ACSL6: variants seen among roughly 807,000 people sequenced by gnomAD.
ACSL6 encodes the protein acyl-CoA synthetase long chain family member 6.
Under a neutral mutation model 98.2 loss-of-function variants are expected in ACSL6, and 47 were observed. That is an observed-to-expected ratio of 0.48 (90% CI 0.38 to 0.61). The LOEUF (loss-of-function observed/expected upper bound fraction) is 0.61, where lower values mean the gene tolerates loss of function less well. ACSL6 is among the 20% of genes least tolerant of loss of function. The probability of loss-of-function intolerance (pLI) is 0.00; values close to 1 mark genes in which losing one functional copy is unlikely to be tolerated. For missense variants in ACSL6, 761 were observed against 913.4 expected, an observed-to-expected ratio of 0.83 and a Z score of 2.15; for synonymous variants, 362 against 336.9, an observed-to-expected ratio of 1.07 and a Z score of -0.82.
chr5:132,009,080 G>C (rs982923319), intron 1 of ACSL6, among the ~76,000 whole-genome samples: 3 of 152,174 alleles, frequency 2.0e-5, no homozygotes, highest in African/African-American at 7.2e-5. Flanking sequence ...GGTGAGATCT[G>C]GGCTGGCCCA....
intron 1 of ACSL6, among the ~76,000 whole-genome samples, chr5:132,009,975 T>C (rs937653605): frequency 1.3e-5 from 2 of 152,070 alleles, no homozygotes; most frequent in African/African-American, 4.8e-5. Flanking sequence ...GTCCTGGCAG[T>C]GGGGAGAGGC....
intron 9 of ACSL6, chr5:131,982,213 G>T (rs1296507646): frequency 7.2e-6 from 1 of 139,760 alleles, no homozygotes; most frequent in Non-Finnish European, 1.5e-5. Flanking sequence ...GCGGGATCTC[G>T]GCTCACTGCA....
chr5:131,967,929 T>C lies in ACSL6; in HGVS notation c.1596+11A>G. 1 of 1,613,198 alleles carries C rather than the reference T, an allele frequency of 6.2e-7. No homozygotes were observed. Among genetic ancestry groups the C allele is most frequent in the Non-Finnish European group, 8.5e-7 (1 of 1,179,242 alleles). On this transcript the variant is annotated intron_variant, in intron 16 of 20. Transcript: ENST00000651883. ...GCAGCCACAGGCATGAATGGCTAAATCCTTGTTTACCTCTCCCTCTCCTTT... is the reference window on the plus strand; with the variant it reads ...GCAGCCACAGGCATGAATGGCTAAACCCTTGTTTACCTCTCCCTCTCCTTT...
intron 17 of ACSL6, among the ~76,000 whole-genome samples, chr5:131,964,133 C>T (rs1196528681): frequency 6.6e-6 from 1 of 151,956 alleles, no homozygotes; most frequent in Non-Finnish European, 1.5e-5. Context: ...CATACTCTTC[C>T]AAAAAAATGG....
intron 1 of ACSL6, among the ~76,000 whole-genome samples, chr5:131,997,795 G>A (rs73264102): frequency 0.01 from 1,528 of 152,322 alleles, 23 homozygotes; most frequent in African/African-American, 0.027. Context: ...CCTTGAGGCT[G>A]GGCCTGTACC....
chr5:131,968,174 T>G, intron 15 of ACSL6, 146 bp from the exon 16 acceptor site: 1 of 634,222 alleles, frequency 1.6e-6, no homozygotes, highest in East Asian at 2.8e-5. Context: ...CATTTGTTAC[T>G]GCAAGTGTTG....
At chr5:131,987,995 C>T in intron 7 of ACSL6, 53 bp downstream of exon 7, 1 of 1,595,546 alleles carries the variant, frequency 6.3e-7, no homozygotes, top group Non-Finnish European at 8.5e-7. Flanking sequence ...GAAGTTCTGA[C>T]TTGGTGACCA....
chr5:131,985,564 T>A, intron 8 of ACSL6, 106 bp from the exon 9 acceptor site: 1 of 1,214,824 alleles, frequency 8.2e-7, no homozygotes, highest in Non-Finnish European at 1.2e-6. Flanking sequence ...ATGCTGTATG[T>A]GGGTGTGAGC....
At chr5:131,967,693 TAA>T (rs1261143039) in intron 16 of ACSL6, among the ~76,000 whole-genome samples, 20 of 147,796 alleles carry the variant, frequency 1.4e-4, no homozygotes, top group Admixed American at 2.0e-4. Flanking sequence ...ATAATAATAA[TAA>T]TAATTAATTA....
At chr5:132,010,889 G>T (rs1399743652) in intron 1 of ACSL6, among the ~76,000 whole-genome samples, 1 of 152,294 alleles carries the variant, frequency 6.6e-6, no homozygotes, top group African/African-American at 2.4e-5. Flanking sequence ...CGCCTAAGAA[G>T]TGCAGTGGTG....
intron 1 of ACSL6, among the ~76,000 whole-genome samples, chr5:131,995,598 G>A (rs1754757592): frequency 6.6e-6 from 1 of 152,158 alleles, no homozygotes; most frequent in Non-Finnish European, 1.5e-5. Context: ...TGCAGCCATG[G>A]GATATGAGCC....
intron 9 of ACSL6, among the ~76,000 whole-genome samples, chr5:131,978,551 C>T (rs780109123): frequency 5.5e-4 from 83 of 152,162 alleles, no homozygotes; most frequent in Non-Finnish European, 3.8e-4. Flanking sequence ...AGCCCTCGCT[C>T]GGGAAAGGAA....
intron 9 of ACSL6, among the ~76,000 whole-genome samples, chr5:131,980,824 C>T (rs989514883): frequency 1.3e-5 from 2 of 152,170 alleles, no homozygotes; most frequent in African/African-American, 4.8e-5. Context: ...ACCTCTTGGG[C>T]CTCCCCAAGG....
rs768861283 is a variant in ACSL6, at chr5:131,990,090, T to C, written c.450+10A>G. Reference sequence around the variant, plus strand: ...GGTGGCCAGGGTGGGGCCTGTCCTGTATCACTCACCTCCTGGTAGGACAGC... The same window carrying C: ...GGTGGCCAGGGTGGGGCCTGTCCTGCATCACTCACCTCCTGGTAGGACAGC... On this transcript the variant is annotated intron_variant, in intron 4 of 20. Coordinates refer to ENST00000651883, the MANE Select transcript of ACSL6 (RefSeq NM_001009185.3). 7 of 1,613,352 alleles carry C rather than the reference T, an allele frequency of 4.3e-6. No individual in the cohort carries two copies. In the Admixed American group the frequency reaches 1.2e-4, roughly 27 times the overall value.
chr5:131,962,788 G>T, intron 17 of ACSL6, 110 bp from the exon 18 acceptor site: 4 of 1,263,674 alleles, frequency 3.2e-6, no homozygotes, highest in Non-Finnish European at 4.4e-6. Flanking sequence ...ACCCCACCCC[G>T]ATTTCTTTTC....
intron 17 of ACSL6, among the ~76,000 whole-genome samples, chr5:131,962,927 C>T (rs1199942985): frequency 6.6e-6 from 1 of 152,102 alleles, no homozygotes; most frequent in Non-Finnish European, 1.5e-5. Context: ...GCAGTTAGCC[C>T]CCCACACAGT....
intron 1 of ACSL6, among the ~76,000 whole-genome samples, chr5:132,002,223 A>G (rs958285406): frequency 6.6e-6 from 1 of 152,300 alleles, no homozygotes; most frequent in East Asian, 1.9e-4. Flanking sequence ...CAGGAAGCCA[A>G]ATCCTGTGGC....
At chr5:131,984,219 G>A (rs1754046745) in intron 9 of ACSL6, 1 of 152,206 alleles carries the variant, frequency 6.6e-6, no homozygotes, top group Non-Finnish European at 1.5e-5. Context: ...GTGAGTTAAT[G>A]GTAAAAATCT....
chr5:131,983,095 C>T (rs399714), intron 9 of ACSL6: 56,287 of 152,126 alleles, frequency 0.37, 12,698 homozygotes, highest in African/African-American at 0.64. Context: ...GAAGACAAGG[C>T]ATATGAACTC....
Sources: allele counts gnomAD v4.1 joint callset (sites outside exome capture counted in the v4.1 genomes callset), GRCh38; gene constraint gnomAD v4.1.1; transcripts MANE v1.5; gene names NCBI Gene and HGNC (gene_info 2026-07-23, HGNC 2026-07-21).